ELK4: variants seen among roughly 807,000 people sequenced by gnomAD.
ELK4 encodes the protein ETS domain-containing protein Elk-4.
Under a neutral mutation model 29.6 loss-of-function variants are expected in ELK4, and 16 were observed. The observed-to-expected ratio is 0.54, with a 90% CI of 0.37 to 0.82. The LOEUF (loss-of-function observed/expected upper bound fraction) is 0.82, where lower values mean the gene tolerates loss of function less well. Ranked by LOEUF, ELK4 falls within the 40% of genes least tolerant of loss-of-function variation. The pLI, the probability that ELK4 is intolerant of heterozygous loss-of-function variation, is 0.00. For synonymous variants in ELK4, 213 were observed against 191.1 expected (o/e 1.11, Z -0.95); for missense variants, 465 against 507.1 (o/e 0.92, Z 0.80).
chr1:205,616,670 T>G (rs751774266), intron 4 of ELK4, 26 bp from the exon 5 acceptor site: 1 of 1,599,954 alleles, frequency 6.3e-7, no homozygotes, highest in Non-Finnish European at 8.6e-7. Flanking sequence ...AAACACATTA[T>G]CATCCTATTA....
rs528582351 is a variant in ELK4 at position 205,608,164 on chromosome 1, T to A, written c.*8382A>T. The A allele has an allele frequency of 5.8e-5, 11 of 188,446 alleles. No individual in the cohort carries two copies. In the South Asian group the frequency reaches 2.0e-3, roughly 33 times the overall value. The allele number at this position is 188,446 out of a possible 1,614,324, so 11.7% of individuals were successfully genotyped here. On this transcript the variant is annotated 3_prime_UTR_variant, in exon 5 of 5. Transcript: ENST00000357992. ...CTTTCCTAAAAGATGCATATCACCA[T>A]TATAGAATTTAACAAAATTTTTGCA...
chr1:205,629,281 T>C (rs1670530157), intron 1 of ELK4, among the ~76,000 whole-genome samples: 1 of 152,180 alleles, frequency 6.6e-6, no homozygotes, highest in African/African-American at 2.4e-5. Flanking sequence ...ACTGGGTACT[T>C]TAAAGGAATA....
At chr1:205,621,081 G>C (rs1213721538) in intron 2 of ELK4, among the ~76,000 whole-genome samples, 1 of 151,086 alleles carries the variant, frequency 6.6e-6, no homozygotes, top group Non-Finnish European at 1.5e-5. Flanking sequence ...TGTAGTCCCA[G>C]CTACTCAGGA....
intron 1 of ELK4, chr1:205,625,979 G>C: frequency 8.3e-7 from 1 of 1,200,346 alleles, no homozygotes. Flanking sequence ...GCCCGGCCCA[G>C]TTCTACTTCT....
intron 2 of ELK4, 61 bp from the exon 3 acceptor site, chr1:205,620,899 T>C (rs914550738): frequency 1.9e-5 from 29 of 1,495,580 alleles, no homozygotes; most frequent in Non-Finnish European, 2.4e-5. Context: ...CCATAGTTCA[T>C]GAAAAAGCTG....
rs993168855 is a variant in ELK4 at position 205,614,447 on chromosome 1, C to T, written c.*2099G>A. On this transcript the variant is annotated 3_prime_UTR_variant, in exon 5 of 5. Coordinates refer to ENST00000357992, the MANE Select transcript of ELK4 (RefSeq NM_001973.4). Reference sequence around the variant, plus strand: ...GCTGAGAGGTCCAATTTCAAACAGGCATGCAAACTAAATAATTTAATATGG... The same window carrying T: ...GCTGAGAGGTCCAATTTCAAACAGGTATGCAAACTAAATAATTTAATATGG... 4.4e-6 allele frequency: 1 copy of T among 227,202 alleles called. No individual in the cohort carries two copies. The highest frequency in any genetic ancestry group is 8.7e-6 in the Non-Finnish European group (1 of 114,700). 14.1% of individuals were successfully genotyped at this position (227,202 alleles called of 1,614,324 possible).
In ELK4 at chr1:205,623,712, G is replaced by A. The variant is rs749180976; in HGVS notation, c.171C>T (p.Asp57=). ...AGTATCTGAGGGCTCGGCTGAGTTT[G>A]TCATAATTCATGTTAGGCTTGTTCT... is the stretch of plus-strand genomic sequence containing the variant. ...IRKNKPNMNY[D]KLSRALRYYY... Residue 57 remains aspartate (D), a synonymous_variant, in exon 2 of 5, where the codon GAC becomes GAT. Coordinates refer to ENST00000357992, the MANE Select transcript of ELK4 (RefSeq NM_001973.4). The A allele has an allele frequency of 5.6e-6, 9 of 1,614,106 alleles. No homozygotes were observed. Among genetic ancestry groups the A allele is most frequent in the Non-Finnish European group, 7.6e-6 (9 of 1,179,998 alleles).
chr1:205,631,486 G>T (rs558152891), intron 1 of ELK4, 146 bp downstream of exon 1: 3 of 149,200 alleles, frequency 2.0e-5, no homozygotes, highest in South Asian at 2.1e-4. Context: ...GGCCGGGGGC[G>T]GACCCAAGGG....
intron 1 of ELK4, among the ~76,000 whole-genome samples, chr1:205,624,962 G>C (rs1319181682): frequency 6.6e-6 from 1 of 152,102 alleles, no homozygotes; most frequent in Non-Finnish European, 1.5e-5. Context: ...GAATTCTTTA[G>C]GGCAGAAACT....
At chr1:205,625,519 A>C (rs779939897) in intron 1 of ELK4, 3 of 755,224 alleles carry the variant, frequency 4.0e-6, no homozygotes, top group Non-Finnish European at 7.3e-6. Flanking sequence ...TCCGTTCAAG[A>C]AACGGGCGGC....
rs117360919 is a variant in ELK4 at position 205,608,555 on chromosome 1, T to A, written c.*7991A>T. The A allele has an allele frequency of 5.1e-6, 1 of 198,016 alleles. No individual in the cohort carries two copies. The highest frequency in any genetic ancestry group is 7.8e-5 in the East Asian group (1 of 12,756). 12.3% of individuals were successfully genotyped at this position (198,016 alleles called of 1,614,324 possible). A position where few individuals can be genotyped will look rare whatever the true frequency, so the allele number is the denominator to read the frequency against. The stretch of plus-strand genomic sequence containing the variant: ...TGTTAGCAGTGACCATTTTAATTGC[T>A]TTTTTAGGAAAAAGAAAAAAAAAAG... On this transcript the variant is annotated 3_prime_UTR_variant, in exon 5 of 5. Transcript: ENST00000357992.
rs985140522 is a variant in ELK4 at position 205,618,922 on chromosome 1, C to T, written c.1197+35G>A. 8 of 1,519,614 alleles carry T rather than the reference C, an allele frequency of 5.3e-6. No individual in the cohort carries two copies. The East Asian group carries it at 1.8e-4, about 35-fold the overall frequency. 94.1% of individuals were successfully genotyped at this position (1,519,614 alleles called of 1,614,324 possible). A position where few individuals can be genotyped will look rare whatever the true frequency, so the allele number is the denominator to read the frequency against. On this transcript the variant is annotated intron_variant, in intron 4 of 4. Transcript: ENST00000357992. ...TTTGCCTCTTTCTTCATTTAACATG[C>T]TCCAACTACAGAAGACAGATATTTA...
chr1:205,618,455 G>C (rs1670272909), intron 4 of ELK4, among the ~76,000 whole-genome samples: 1 of 152,096 alleles, frequency 6.6e-6, no homozygotes, highest in Non-Finnish European at 1.5e-5. Context: ...TAATGAAAAT[G>C]AAACTTTGCT....
intron 2 of ELK4, among the ~76,000 whole-genome samples, chr1:205,622,118 G>C (rs1173296624): frequency 6.6e-6 from 1 of 152,074 alleles, no homozygotes. Context: ...GGAGGCTGAG[G>C]CAGGTGAATC....
chr1:205,622,875 C>T (rs1020171928), intron 2 of ELK4, among the ~76,000 whole-genome samples: 8 of 152,118 alleles, frequency 5.3e-5, no homozygotes, highest in Admixed American at 2.6e-4. Context: ...TGATGGCTCA[C>T]GCCTATAATC....
At chr1:205,626,997 A>G (rs1413655917) in intron 1 of ELK4, among the ~76,000 whole-genome samples, 1 of 152,202 alleles carries the variant, frequency 6.6e-6, no homozygotes, top group East Asian at 1.9e-4. Context: ...CACACACACA[A>G]GGACAAACCT....
intron 1 of ELK4, among the ~76,000 whole-genome samples, chr1:205,629,884 C>T (rs767516141): frequency 1.1e-4 from 17 of 152,074 alleles, no homozygotes; most frequent in South Asian, 8.3e-4. Context: ...GAAACCCTGT[C>T]TTTACCAAAA....
rs923646142 is a variant in ELK4, at chr1:205,619,016, G to A, written c.1138C>T (p.Leu380Phe). The change falls in exon 4 of 5, where the codon CTC (leucine) becomes TTC (phenylalanine). Residue 380 changes from leucine (L) to phenylalanine (F), a missense_variant. Transcript: ENST00000357992. ...LLSSIHFWST[L>F]SPVAPLSPAR... ...GGACTTAGGGGAGCAACAGGACTGA[G>A]AGTACTCCAGAAGTGGATACTGGAG... 1 of 1,611,678 alleles carries A rather than the reference G, an allele frequency of 6.2e-7. No individual in the cohort carries two copies. The highest frequency in any genetic ancestry group is 8.5e-7 in the Non-Finnish European group (1 of 1,179,182).
In ELK4 at chr1:205,623,856, C is replaced by G; in HGVS notation, c.27G>C (p.Gln9His). The G allele has an allele frequency of 6.2e-7, 1 of 1,614,178 alleles. No homozygotes were observed. The highest frequency in any genetic ancestry group is 8.5e-7 in the Non-Finnish European group (1 of 1,180,036). Reference sequence around the variant, plus strand: ...GCTTCTGCAGGAGCTGAAGAAGGAACTGCCACAGGGTGATAGCACTGTCCA... The same window carrying G: ...GCTTCTGCAGGAGCTGAAGAAGGAAGTGCCACAGGGTGATAGCACTGTCCA... MDSAITLW[Q>H]FLLQLLQKPQ... The change falls in exon 2 of 5, where the codon CAG (glutamine) becomes CAC (histidine). Residue 9 changes from glutamine (Q) to histidine (H), a missense_variant. Physicochemically the swap from Gln to His is conservative, Grantham distance 24. Around this residue, in one of 2 missense-constraint regions of ELK4, gnomAD observed 385 missense variants for 387.5 expected, o/e 0.99. Transcript: ENST00000357992.
Sources: allele counts gnomAD v4.1 joint callset (sites outside exome capture counted in the v4.1 genomes callset), GRCh38; gene constraint gnomAD v4.1.1; regional missense constraint gnomAD v4.1.1; transcripts MANE v1.5; gene names NCBI Gene and HGNC (gene_info 2026-07-23, HGNC 2026-07-21).